CAMTA1: variants seen among roughly 807,000 people sequenced by gnomAD.
The protein encoded by CAMTA1 is calmodulin binding transcription activator 1, also known as calmodulin-binding transcription activator 1.
In CAMTA1, 27 loss-of-function variants were observed where a neutral mutation model predicts 170.9. The ratio of observed to expected loss-of-function variants is 0.16; its 90% CI spans 0.12 to 0.22. The LOEUF (loss-of-function observed/expected upper bound fraction) is 0.22, where lower values mean the gene tolerates loss of function less well. Among genes scored for constraint, CAMTA1 ranks in the 10% least tolerant of loss-of-function variants. The pLI is 1.00. For synonymous variants in CAMTA1, 833 were observed against 891.5 expected (o/e 0.93, Z 1.17); for missense variants, 1,619 against 2,217.2 (o/e 0.73, Z 5.42).
intron 1 of CAMTA1, among the ~76,000 whole-genome samples, chr1:6,786,781 T>C (rs1444902808): frequency 1.3e-5 from 2 of 152,206 alleles, no homozygotes; most frequent in East Asian, 3.9e-4. Flanking sequence ...GAGTTCCTTG[T>C]CTGGGTGAGA....
In CAMTA1 at chr1:7,173,580, T is replaced by A. The variant is rs1244446526; in HGVS notation, c.303-75911T>A. 6.6e-6 allele frequency among the ~76,000 whole-genome samples: 1 copy of A among 151,624 alleles called. No individual in the cohort carries two copies. Among genetic ancestry groups the A allele is most frequent in the East Asian group, 1.9e-4 (1 of 5,168 alleles). ...TTTTGTATTTTTAGTAGAGATGGGG[T>A]TTTTCCATGTTGGCCAGGCTGGTCT... On this transcript the variant is annotated intron_variant, in intron 4 of 22. Coordinates refer to ENST00000303635, the MANE Select transcript of CAMTA1 (RefSeq NM_015215.4). This position sits in a 1 kb window ranked among gnomAD's most constrained non-coding sequence, Gnocchi z 5.4.
At chr1:7,620,588 G>A (rs927970788) in intron 6 of CAMTA1, among the ~76,000 whole-genome samples, 1 of 152,220 alleles carries the variant, frequency 6.6e-6, no homozygotes, top group Non-Finnish European at 1.5e-5. Context: ...TGTTCTGCAC[G>A]AGTATCTTAC....
intron 6 of CAMTA1, among the ~76,000 whole-genome samples, chr1:7,507,410 G>A (rs113554521): frequency 0.021 from 3,213 of 152,240 alleles, 109 homozygotes; most frequent in African/African-American, 0.073. Flanking sequence ...GCACACGCCT[G>A]GCACGGGGGT....
chr1:7,494,063 C>T (rs946271585), intron 6 of CAMTA1, among the ~76,000 whole-genome samples: 1 of 151,828 alleles, frequency 6.6e-6, no homozygotes, highest in Non-Finnish European at 1.5e-5. Context: ...TGGGTTCATT[C>T]TGCCTTTGAT....
At chr1:7,345,717 C>T (rs941038060) in intron 5 of CAMTA1, among the ~76,000 whole-genome samples, 5 of 152,178 alleles carry the variant, frequency 3.3e-5, no homozygotes, top group East Asian at 1.9e-4. Flanking sequence ...CCCCAGTTAA[C>T]GACATCAGGG....
chr1:7,598,063 C>A (rs2095414084), intron 6 of CAMTA1, among the ~76,000 whole-genome samples: 1 of 151,616 alleles, frequency 6.6e-6, no homozygotes, highest in Non-Finnish European at 1.5e-5. Flanking sequence ...TTAGGTATAT[C>A]TCCTAATGCT....
intron 11 of CAMTA1, among the ~76,000 whole-genome samples, chr1:7,715,301 G>A (rs934989593): frequency 6.6e-6 from 1 of 152,160 alleles, no homozygotes; most frequent in African/African-American, 2.4e-5. Flanking sequence ...CAGTGCCACC[G>A]GAGTTGGCTA....
At chr1:7,721,129 G>C (rs1471302177) in intron 11 of CAMTA1, among the ~76,000 whole-genome samples, 2 of 152,188 alleles carry the variant, frequency 1.3e-5, no homozygotes, top group East Asian at 3.9e-4. Flanking sequence ...CTTTCAAAAA[G>C]CTCACATTCT....
chr1:7,707,662 G>C (rs1193636344), intron 11 of CAMTA1, among the ~76,000 whole-genome samples: 1 of 152,148 alleles, frequency 6.6e-6, no homozygotes, highest in African/African-American at 2.4e-5. Flanking sequence ...CAGGCGTGAT[G>C]GTGGGAGAAG....
rs1661358837 is a variant in CAMTA1, at chr1:7,224,547, G to A, written c.303-24944G>A. On this transcript the variant is annotated intron_variant, in intron 4 of 22. Transcript: ENST00000303635. The surrounding 1 kb of genome is among the most constrained non-coding windows in gnomAD (Gnocchi z 5.2). ...TATTATTATTTTTCAGGAATCTGCT[G>A]TGTACGGGTTTTATTTTTAAATGTC... is the stretch of plus-strand genomic sequence containing the variant. Among the ~76,000 whole-genome samples, 1 of 152,202 alleles carries A rather than the reference G, an allele frequency of 6.6e-6. No homozygotes were observed. Among genetic ancestry groups the A allele is most frequent in the Non-Finnish European group, 1.5e-5 (1 of 68,036 alleles).
At chr1:7,235,235 C>T (rs1023150556) in intron 4 of CAMTA1, among the ~76,000 whole-genome samples, 10 of 152,194 alleles carry the variant, frequency 6.6e-5, no homozygotes, top group Non-Finnish European at 7.4e-5. Context: ...CTTGGTTGTT[C>T]GGGATCAGCC....
intron 5 of CAMTA1, among the ~76,000 whole-genome samples, chr1:7,390,345 G>A (rs1184745612): frequency 1.3e-5 from 2 of 152,212 alleles, no homozygotes; most frequent in Non-Finnish European, 2.9e-5. Flanking sequence ...CATTCCAGGT[G>A]GGTGCCTTGG....
chr1:7,191,087 C>T (rs1267346766), intron 4 of CAMTA1, among the ~76,000 whole-genome samples: 2 of 152,168 alleles, frequency 1.3e-5, no homozygotes, highest in African/African-American at 2.4e-5. Context: ...TAGGGTCTCG[C>T]ATTTTGTTTG....
intron 6 of CAMTA1, among the ~76,000 whole-genome samples, chr1:7,638,307 G>A (rs971243569): frequency 2.0e-5 from 3 of 152,112 alleles, no homozygotes; most frequent in Non-Finnish European, 2.9e-5. Context: ...TCCCTGCAGC[G>A]TCTGATATCC....
intron 3 of CAMTA1, among the ~76,000 whole-genome samples, chr1:7,039,629 T>C (rs1172933736): frequency 1.3e-5 from 2 of 152,212 alleles, no homozygotes; most frequent in Non-Finnish European, 2.9e-5. Flanking sequence ...TCGAAGCTAA[T>C]TGGCATGTGG....
At chr1:7,516,690 GGT>G (rs1447366568) in intron 6 of CAMTA1, among the ~76,000 whole-genome samples, 1 of 152,160 alleles carries the variant, frequency 6.6e-6, no homozygotes, top group Non-Finnish European at 1.5e-5. Context: ...GGACTGAGGT[GGT>G]CACACCCACA....
intron 4 of CAMTA1, among the ~76,000 whole-genome samples, chr1:7,192,261 G>A (rs1654673387): frequency 6.6e-6 from 1 of 152,156 alleles, no homozygotes; most frequent in South Asian, 2.1e-4. Flanking sequence ...CTCCACTTTG[G>A]GGTCAAGGTT....
intron 1 of CAMTA1, 78 bp from the exon 2 acceptor site, chr1:6,820,103 T>A: frequency 1.2e-6 from 1 of 866,472 alleles, no homozygotes; most frequent in Non-Finnish European, 2.0e-6. Flanking sequence ...GTTTTGCATC[T>A]TGGCAGGAAT....
At chr1:7,558,255 C>G (rs1010602272) in intron 6 of CAMTA1, among the ~76,000 whole-genome samples, 1 of 152,236 alleles carries the variant, frequency 6.6e-6, no homozygotes, top group African/African-American at 2.4e-5. Context: ...GGCCCCCGCC[C>G]GCTGCCTCTG....
Sources: gnomAD v4.1 joint callset for allele counts (sites outside exome capture counted in the v4.1 genomes callset) on GRCh38, gnomAD v4.1.1 for gene constraint, Gnocchi (gnomAD v3.1) non-coding constraint, MANE v1.5 for transcripts, NCBI Gene and HGNC (gene_info 2026-07-23, HGNC 2026-07-21) for gene names.